Variants in PKIB observed in about 807,000 individuals in gnomAD.
PKIB encodes cAMP-dependent protein kinase inhibitor beta.
Under a neutral mutation model 4.5 loss-of-function variants are expected in PKIB, and 2 were observed. That is an observed-to-expected ratio of 0.44 (90% confidence interval 0.18 to 1.39). The LOEUF is 1.39. PKIB is among the 40% of genes most tolerant of loss of function. The probability of loss-of-function intolerance (pLI) is 0.27; values close to 1 mark genes in which losing one functional copy is unlikely to be tolerated. For missense variants in PKIB, 94 were observed against 92.6 expected, an observed-to-expected ratio of 1.02 and a Z score of -0.06; for synonymous variants, 38 against 36.0, an observed-to-expected ratio of 1.06 and a Z score of -0.20.
rs1415105451 is a variant in PKIB, at chr6:122,633,972, A to ATCTATCTG, written c.-76+607_-76+608insTATCTGTC. Reference sequence around the variant, plus strand: ...TATCTATCTATCTATCTATCTATCTATCCATCTATCTATGACAGATATCTG... The same window carrying ATCTATCTG: ...TATCTATCTATCTATCTATCTATCTATCTATCTGTCCATCTATCTATGACAGATATCTG... On this transcript the variant is annotated intron_variant, in intron 2 of 4. Coordinates refer to ENST00000368452, the MANE Select transcript of PKIB (RefSeq NM_181795.3). 2.0e-5 allele frequency among the ~76,000 whole-genome samples: 3 copies of ATCTATCTG among 151,778 alleles called. No individual in the cohort carries two copies. In the South Asian group the frequency reaches 6.2e-4, roughly 32 times the overall value.
At chr6:122,648,967 T>G (rs1012386854) in intron 2 of PKIB, among the ~76,000 whole-genome samples, 1 of 152,198 alleles carries the variant, frequency 6.6e-6, no homozygotes, top group African/African-American at 2.4e-5. Context: ...ATGGCCATTG[T>G]TCACAAGCCC....
intron 2 of PKIB, among the ~76,000 whole-genome samples, chr6:122,509,357 T>G (rs1776517469): frequency 6.6e-6 from 1 of 152,182 alleles, no homozygotes; most frequent in Non-Finnish European, 1.5e-5. Flanking sequence ...GATTTTTATG[T>G]ATTGGAACTA....
chr6:122,648,051 A>G (rs1037509605), intron 2 of PKIB, among the ~76,000 whole-genome samples: 2 of 152,190 alleles, frequency 1.3e-5, no homozygotes, highest in Non-Finnish European at 2.9e-5. Flanking sequence ...GTATAGCCCA[A>G]TTTCCCCTTG....
chr6:122,646,173 G>A (rs1196773851), intron 2 of PKIB, among the ~76,000 whole-genome samples: 2 of 152,128 alleles, frequency 1.3e-5, no homozygotes, highest in Non-Finnish European at 2.9e-5. Context: ...GTAGATCTTT[G>A]TTTTTGACTG....
chr6:122,557,783 T>G (rs932266813), intron 2 of PKIB, among the ~76,000 whole-genome samples: 2 of 152,202 alleles, frequency 1.3e-5, no homozygotes, highest in Non-Finnish European at 2.9e-5. Context: ...AATCATTGAC[T>G]TTTTTACTTG....
Position 122,717,671 on chromosome 6 carries a change from A to T in PKIB, c.-8-116A>T, listed in dbSNP as rs542117973. 5 of 974,268 alleles carry T rather than the reference A, an allele frequency of 5.1e-6. No homozygotes were observed. The East Asian group carries it at 1.2e-4, about 24-fold the overall frequency. The allele number at this position is 974,268 out of a possible 1,614,324, so 60.4% of individuals were successfully genotyped here. On this transcript the variant is annotated intron_variant, in intron 3 of 4. Coordinates refer to ENST00000368452, the MANE Select transcript of PKIB (RefSeq NM_181795.3). ...GTAGACATTGATGAAGGTTGTGATC[A>T]ATGATTAGACTCTCAAGCCTGTTGT...
chr6:122,497,559 AG>A (rs1395395466), intron 2 of PKIB, among the ~76,000 whole-genome samples: 1 of 152,198 alleles, frequency 6.6e-6, no homozygotes, highest in Non-Finnish European at 1.5e-5. Flanking sequence ...AAAAGAGATC[AG>A]GGGTCATTAT....
intron 1 of PKIB, among the ~76,000 whole-genome samples, chr6:122,615,206 AT>A (rs929532303): frequency 3.3e-5 from 5 of 152,028 alleles, no homozygotes; most frequent in Non-Finnish European, 2.9e-5. Context: ...GAAAAAAAAA[AT>A]TTTTAAATAT....
At position 122,724,740 on chromosome 6, in the gene PKIB, G is replaced by GTGCAATCC. The variant is rs1160965448; in HGVS notation, c.170-383_170-376dup. On this transcript the variant is annotated intron_variant, in intron 4 of 4. Coordinates refer to ENST00000368452, the MANE Select transcript of PKIB (RefSeq NM_181795.3). ...AGAAAGTGTGAAGAAGCTGGGGAGA[G>GTGCAATCC]TGCAATCCTGCATAGGGAATTGGCT... Among the ~76,000 whole-genome samples, 12 of 152,268 alleles carry GTGCAATCC rather than the reference G, an allele frequency of 7.9e-5. No homozygotes were observed. The East Asian group carries it at 2.1e-3, about 27-fold the overall frequency.
chr6:122,720,463 CAG>C (rs1289303443), intron 4 of PKIB, among the ~76,000 whole-genome samples: 2 of 151,778 alleles, frequency 1.3e-5, no homozygotes, highest in African/African-American at 4.8e-5. Flanking sequence ...TTGGATGTGG[CAG>C]AGATGAGGAA....
chr6:122,509,162 G>C (rs915716399), intron 2 of PKIB, among the ~76,000 whole-genome samples: 2 of 152,062 alleles, frequency 1.3e-5, no homozygotes, highest in Non-Finnish European at 2.9e-5. Context: ...TTCAGTACTA[G>C]AGCCATTAGT....
intron 3 of PKIB, chr6:122,701,597 C>T: frequency 7.2e-7 from 1 of 1,383,072 alleles, no homozygotes. Context: ...TCAAGCCCAT[C>T]AGCAGTTAGC....
chr6:122,527,117 C>T (rs1437180945), intron 2 of PKIB, among the ~76,000 whole-genome samples: 1 of 152,128 alleles, frequency 6.6e-6, no homozygotes, highest in Non-Finnish European at 1.5e-5. Flanking sequence ...TCTGCAGTTT[C>T]CTCACCTCTC....
At chr6:122,531,670 C>CT (rs769441991) in intron 2 of PKIB, among the ~76,000 whole-genome samples, 15 of 152,124 alleles carry the variant, frequency 9.9e-5, no homozygotes, top group Non-Finnish European at 2.9e-5. Flanking sequence ...CACTCCCCAC[C>CT]TTTCACTTCT....
chr6:122,683,261 C>G (rs1044679719), intron 3 of PKIB, among the ~76,000 whole-genome samples: 4 of 152,118 alleles, frequency 2.6e-5, no homozygotes, highest in African/African-American at 4.8e-5. Flanking sequence ...AAGCATGGTG[C>G]TGGCATCTAC....
chr6:122,555,436 G>A (rs999404070), intron 2 of PKIB, among the ~76,000 whole-genome samples: 2 of 152,296 alleles, frequency 1.3e-5, no homozygotes, highest in Middle Eastern at 3.4e-3. Context: ...TGAGTTGTTT[G>A]CATTTTATCT....
At chr6:122,564,248 C>T (rs1252831780) in intron 2 of PKIB, among the ~76,000 whole-genome samples, 3 of 152,120 alleles carry the variant, frequency 2.0e-5, no homozygotes, top group East Asian at 1.9e-4. Context: ...TGGGTCCTCT[C>T]GGGATTGCTG....
chr6:122,648,783 C>A (rs767134608), intron 2 of PKIB, among the ~76,000 whole-genome samples: 2 of 152,160 alleles, frequency 1.3e-5, no homozygotes, highest in Non-Finnish European at 2.9e-5. Flanking sequence ...CCTGTGACCA[C>A]GTAGCTTGGT....
chr6:122,693,879 T>C (rs911344651), intron 3 of PKIB, among the ~76,000 whole-genome samples: 20 of 152,132 alleles, frequency 1.3e-4, no homozygotes, highest in African/African-American at 4.8e-4. Context: ...AGTAAAAAAC[T>C]CTAGGAGATG....
Sources: allele counts gnomAD v4.1 joint callset (sites outside exome capture counted in the v4.1 genomes callset), GRCh38; gene constraint gnomAD v4.1.1; transcripts MANE v1.5; gene names NCBI Gene and HGNC (gene_info 2026-07-23, HGNC 2026-07-21).